The following PROS1 variants were observed in gnomAD, a reference collection of about 807,000 sequenced individuals.
PROS1 encodes protein S, also known as vitamin K-dependent protein S.
PROS1 carries 29 observed loss-of-function variants against 75.9 expected under a neutral mutation model. The ratio of observed to expected loss-of-function variants is 0.38; its 90% CI spans 0.28 to 0.52. PROS1 has a LOEUF of 0.52. Among genes scored for constraint, PROS1 ranks in the 20% least tolerant of loss-of-function variants. The pLI, the probability that PROS1 is intolerant of heterozygous loss-of-function variation, is 0.83. For synonymous variants in PROS1, 245 were observed against 280.6 expected (o/e 0.87, Z 1.27); for missense variants, 680 against 810.3 (o/e 0.84, Z 1.95).
intron 1 of PROS1, among the ~76,000 whole-genome samples, chr3:93,946,860 T>TAAAAAA (rs1709410071): frequency 7.8e-6 from 1 of 127,720 alleles, no homozygotes; most frequent in Non-Finnish European, 1.6e-5. Context: ...AAAAAAAAAC[T>TAAAAAA]ATCATCAGAG....
chr3:93,910,820 T>C (rs538179711), intron 3 of PROS1, 115 bp from the exon 4 acceptor site: 30 of 853,066 alleles, frequency 3.5e-5, no homozygotes, highest in South Asian at 1.3e-4. Context: ...ATTCACAAGA[T>C]TCAGTCTTCA....
At chr3:93,903,503 G>A (rs1170279571) in intron 6 of PROS1, among the ~76,000 whole-genome samples, 1 of 151,990 alleles carries the variant, frequency 6.6e-6, no homozygotes, top group Non-Finnish European at 1.5e-5. Context: ...ATCTGTCTCT[G>A]TACAAAAGCT....
chr3:93,903,472 TG>T (rs1708627902), intron 6 of PROS1, among the ~76,000 whole-genome samples: 1 of 152,100 alleles, frequency 6.6e-6, no homozygotes, highest in Non-Finnish European at 1.5e-5. Flanking sequence ...GAGACCAGCC[TG>T]GACAGTATGA....
chr3:93,929,945 A>ACAATAAG (rs1314012009), intron 1 of PROS1, among the ~76,000 whole-genome samples: 1 of 152,216 alleles, frequency 6.6e-6, no homozygotes, highest in Non-Finnish European at 1.5e-5. Flanking sequence ...TACCTGGTAA[A>ACAATAAG]CAATAAGCAA....
At chr3:93,964,138 AATTG>A (rs1203303997) in intron 1 of PROS1, among the ~76,000 whole-genome samples, 1 of 152,220 alleles carries the variant, frequency 6.6e-6, no homozygotes, top group Non-Finnish European at 1.5e-5. Context: ...TAACTGTACA[AATTG>A]ATTGTAAAAC....
At chr3:93,924,059 G>A (rs550800240) in intron 3 of PROS1, among the ~76,000 whole-genome samples, 181 bp downstream of exon 3, 2 of 152,248 alleles carry the variant, frequency 1.3e-5, no homozygotes, top group South Asian at 2.1e-4. Flanking sequence ...TTAAAGAACC[G>A]TTCCAAATTT....
At chr3:93,964,298 A>G (rs1709753496) in intron 1 of PROS1, among the ~76,000 whole-genome samples, 1 of 152,174 alleles carries the variant, frequency 6.6e-6, no homozygotes, top group African/African-American at 2.4e-5. Context: ...CAGAGAGCCT[A>G]TAAATGGATG....
chr3:93,964,436 G>A (rs113841635), intron 1 of PROS1, among the ~76,000 whole-genome samples: 10 of 152,284 alleles, frequency 6.6e-5, no homozygotes, highest in African/African-American at 2.4e-4. Context: ...GTCCTATGCG[G>A]TTGAGATAAG....
chr3:93,876,930 A>G (rs777464893), intron 14 of PROS1, 36 bp downstream of exon 14: 1 of 1,332,256 alleles, frequency 7.5e-7, no homozygotes, highest in Non-Finnish European at 1.1e-6. Flanking sequence ...TGATTAAAAT[A>G]TACTTTTTAA....
intron 7 of PROS1, among the ~76,000 whole-genome samples, chr3:93,899,962 AT>A (rs1381407944): frequency 3.9e-5 from 6 of 152,186 alleles, no homozygotes; most frequent in Non-Finnish European, 1.5e-5. Context: ...CCCTAAATCT[AT>A]TTTTTAAAAG....
At chr3:93,900,153 A>G (rs543912531) in intron 7 of PROS1, among the ~76,000 whole-genome samples, 59 of 152,328 alleles carry the variant, frequency 3.9e-4, no homozygotes, top group African/African-American at 1.3e-3. Context: ...ACAAACAACT[A>G]TAATATGTTG....
intron 11 of PROS1, 133 bp downstream of exon 11, chr3:93,886,203 G>A: frequency 1.4e-6 from 1 of 728,062 alleles, no homozygotes; most frequent in Non-Finnish European, 2.4e-6. Flanking sequence ...ATTTTTCCAT[G>A]ATCATTTCAA....
chr3:93,968,648 C>T (rs1469251267), intron 1 of PROS1, among the ~76,000 whole-genome samples: 1 of 152,040 alleles, frequency 6.6e-6, no homozygotes, highest in Non-Finnish European at 1.5e-5. Flanking sequence ...GGAATGCATT[C>T]ACTAGGGGAT....
In PROS1 at chr3:93,873,865, TTTAA is replaced by T. The variant is rs1455618674; in HGVS notation, c.*376_*379del. 2.9e-5 allele frequency: 7 copies of T among 244,702 alleles called. No individual in the cohort carries two copies. The highest frequency in any genetic ancestry group is 4.8e-5 in the Non-Finnish European group (6 of 124,598). The allele number at this position is 244,702 out of a possible 1,614,324, so 15.2% of individuals were successfully genotyped here. ...TAGTATCTGCCTATGATTAATAGTA[TTTAA>T]TTACACGCACTTTTGTTTGAGTTTA... On this transcript the variant is annotated 3_prime_UTR_variant, in exon 15 of 15. Transcript: ENST00000394236.
intron 3 of PROS1, among the ~76,000 whole-genome samples, chr3:93,913,427 C>T (rs1419422516): frequency 2.0e-5 from 3 of 152,174 alleles, no homozygotes. Flanking sequence ...GCTCTCTTGC[C>T]TGCCACCAGG....
At chr3:93,940,188 C>G (rs1396463132) in intron 1 of PROS1, among the ~76,000 whole-genome samples, 1 of 152,168 alleles carries the variant, frequency 6.6e-6, no homozygotes, top group East Asian at 1.9e-4. Flanking sequence ...TCCAACTCAC[C>G]CATCAGTCAC....
At chr3:93,933,036 C>T (rs1709128271) in intron 1 of PROS1, among the ~76,000 whole-genome samples, 1 of 152,190 alleles carries the variant, frequency 6.6e-6, no homozygotes, top group African/African-American at 2.4e-5. Context: ...TCTCTCTTTT[C>T]CCTAGGCTCT....
chr3:93,915,260 A>G (rs1708826960), intron 3 of PROS1, among the ~76,000 whole-genome samples: 1 of 152,122 alleles, frequency 6.6e-6, no homozygotes, highest in South Asian at 2.1e-4. Flanking sequence ...TAAGGTAAGG[A>G]GTTTGAGGCT....
intron 2 of PROS1, among the ~76,000 whole-genome samples, chr3:93,926,922 G>A (rs551992454): frequency 3.3e-5 from 5 of 150,998 alleles, no homozygotes; most frequent in South Asian, 2.1e-4. Context: ...TTCCTTTAAA[G>A]GTACTTCCTC....
Sources: gnomAD v4.1 joint callset for allele counts (sites outside exome capture counted in the v4.1 genomes callset) on GRCh38, gnomAD v4.1.1 for gene constraint, MANE v1.5 for transcripts, NCBI Gene and HGNC (gene_info 2026-07-23, HGNC 2026-07-21) for gene names.